NCAM1: variants seen among roughly 807,000 people sequenced by gnomAD.
NCAM1 encodes the protein antigen recognized by monoclonal antibody 5.1H11.
Under a neutral mutation model 109.8 loss-of-function variants are expected in NCAM1, and 14 were observed. That is an observed-to-expected ratio of 0.13 (90% CI 0.08 to 0.20). The LOEUF (loss-of-function observed/expected upper bound fraction) is 0.20. Ranked by LOEUF, NCAM1 falls within the 10% of genes least tolerant of loss-of-function variation. The pLI, the probability that NCAM1 is intolerant of heterozygous loss-of-function variation, is 1.00. For missense variants in NCAM1, 774 were observed against 1,109.9 expected, an observed-to-expected ratio of 0.70 and a Z score of 4.30; for synonymous variants, 418 against 442.9, an observed-to-expected ratio of 0.94 and a Z score of 0.70.
At chr11:113,080,627 T>TGATATAATTTCTAAAGCTCTG (rs1555087002) in intron 1 of NCAM1, among the ~76,000 whole-genome samples, 1 of 152,202 alleles carries the variant, frequency 6.6e-6, no homozygotes, top group Non-Finnish European at 1.5e-5. Flanking sequence ...AGACTATAAC[T>TGATATAATTTCTAAAGCTCTG]GATATAATTT....
intron 17 of NCAM1, chr11:113,264,151 C>G (rs1054340338): frequency 6.2e-5 from 61 of 985,134 alleles, no homozygotes; most frequent in Admixed American, 4.3e-4. Context: ...CTCCCTCCCC[C>G]CATTGTGGTC....
chr11:112,973,408 C>T (rs1359206589), intron 1 of NCAM1, among the ~76,000 whole-genome samples: 15 of 152,070 alleles, frequency 9.9e-5, no homozygotes, highest in Admixed American at 7.9e-4. Flanking sequence ...GATGGAAATC[C>T]AATGAAAGCT....
At chr11:113,048,010 T>A (rs1448982868) in intron 1 of NCAM1, among the ~76,000 whole-genome samples, 3 of 152,094 alleles carry the variant, frequency 2.0e-5, no homozygotes, top group African/African-American at 7.2e-5. Flanking sequence ...CTTCCAAGGC[T>A]CCAGCTTGCT....
At chr11:113,067,509 T>G (rs1938023873) in intron 1 of NCAM1, among the ~76,000 whole-genome samples, 1 of 152,250 alleles carries the variant, frequency 6.6e-6, no homozygotes, top group Non-Finnish European at 1.5e-5. Context: ...GGCTCAAATT[T>G]GAAACATTAG....
At chr11:113,044,339 A>C (rs1953186372) in intron 1 of NCAM1, among the ~76,000 whole-genome samples, 1 of 151,396 alleles carries the variant, frequency 6.6e-6, no homozygotes. Context: ...CACTTTGCTA[A>C]TTCCTTCTGT....
At chr11:113,091,490 G>T (rs933634385) in intron 1 of NCAM1, among the ~76,000 whole-genome samples, 1 of 152,186 alleles carries the variant, frequency 6.6e-6, no homozygotes, top group Non-Finnish European at 1.5e-5. Context: ...AATTAGACAT[G>T]CATGAGAGGG....
chr11:113,115,664 A>G (rs1940665917), intron 1 of NCAM1, among the ~76,000 whole-genome samples: 1 of 152,254 alleles, frequency 6.6e-6, no homozygotes, highest in Admixed American at 6.5e-5. Context: ...CACAACAATG[A>G]GATACCTGTT....
chr11:112,968,815 A>T (rs538115035), intron 1 of NCAM1, among the ~76,000 whole-genome samples: 79 of 152,206 alleles, frequency 5.2e-4, no homozygotes, highest in Non-Finnish European at 8.4e-4. Context: ...TTCTCATTTT[A>T]GGGCATGGTT....
In NCAM1 at chr11:113,278,043, A is replaced by G. The variant is rs975342022; in HGVS notation, c.*2656A>G. 6.6e-6 allele frequency: 1 copy of G among 152,122 alleles called. No individual in the cohort carries two copies. The highest frequency in any genetic ancestry group is 2.4e-5 in the African/African-American group (1 of 41,374). 9.4% of individuals were successfully genotyped at this position (152,122 alleles called of 1,614,324 possible). A position where few individuals can be genotyped will look rare whatever the true frequency, so the allele number is the denominator to read the frequency against. On this transcript the variant is annotated 3_prime_UTR_variant, in exon 20 of 20. Transcript: ENST00000316851. ...ATGTGTGTATGTGCCATACATATGT[A>G]TTCACATGAAGACCGGCATGGCCAA...
intron 1 of NCAM1, among the ~76,000 whole-genome samples, chr11:113,023,706 A>C (rs1461935039): frequency 6.6e-6 from 1 of 152,222 alleles, no homozygotes; most frequent in African/African-American, 2.4e-5. Context: ...ATTCAAGATC[A>C]AGTTATGAAT....
At chr11:113,244,680 TGTGTGTGG>T (rs1415159511) in intron 14 of NCAM1, among the ~76,000 whole-genome samples, 6 of 148,076 alleles carry the variant, frequency 4.1e-5, no homozygotes, top group Non-Finnish European at 7.5e-5. Flanking sequence ...TGTGTGTGTG[TGTGTGTGG>T]ACCCATTTAT....
chr11:113,043,173 G>T (rs909464950), intron 1 of NCAM1, among the ~76,000 whole-genome samples: 1 of 151,942 alleles, frequency 6.6e-6, no homozygotes, highest in Non-Finnish European at 1.5e-5. Flanking sequence ...AGATCAGGGA[G>T]GGGGGCTGTA....
At chr11:113,266,563 G>C (rs1052460894) in intron 17 of NCAM1, among the ~76,000 whole-genome samples, 1 of 152,086 alleles carries the variant, frequency 6.6e-6, no homozygotes, top group African/African-American at 2.4e-5. Context: ...ACCTAGGAGC[G>C]TGGTCCTCAT....
At chr11:113,207,458 CGTGGAATGGAT>C (rs1196596339) in intron 6 of NCAM1, 80 bp downstream of exon 6, 2 of 1,142,962 alleles carry the variant, frequency 1.7e-6, no homozygotes, top group Non-Finnish European at 2.6e-6. Context: ...TTAGTGTCTG[CGTGGAATGGAT>C]GTGGGCTTCT....
intron 1 of NCAM1, among the ~76,000 whole-genome samples, chr11:113,039,863 A>G (rs1344122697): frequency 2.0e-5 from 3 of 152,260 alleles, no homozygotes; most frequent in African/African-American, 7.2e-5. Flanking sequence ...ATAATTGGCC[A>G]GGCACGGTGG....
chr11:113,053,248 T>A (rs1267878269), intron 1 of NCAM1, among the ~76,000 whole-genome samples: 1 of 152,244 alleles, frequency 6.6e-6, no homozygotes, highest in Non-Finnish European at 1.5e-5. Context: ...CATTCCTTTT[T>A]TATGGCTGCA....
chr11:113,065,591 G>C lies in NCAM1; in HGVS notation c.52+103927G>C, dbSNP rs150250843. Among the ~76,000 whole-genome samples, 426 of 152,298 alleles carry C rather than the reference G, an allele frequency of 2.8e-3. 1 individual carries two copies. Among genetic ancestry groups the C allele is most frequent in the African/African-American group, 9.8e-3 (407 of 41,554 alleles). The stretch of plus-strand genomic sequence containing the variant: ...TCTTCCTACCCATGCCATAATCCCA[G>C]TCTAATTGTGAGAAAGACACCAGAC... On this transcript the variant is annotated intron_variant, in intron 1 of 19. Transcript: ENST00000316851.
In NCAM1 at chr11:113,274,725, C is replaced by T. The variant is rs1273696065; in HGVS notation, c.2457-542C>T. On this transcript the variant is annotated intron_variant, in intron 19 of 19. Transcript: ENST00000316851. This position sits in a 1 kb window ranked among gnomAD's most constrained non-coding sequence, Gnocchi z 4.1. Reference sequence around the variant, plus strand: ...TCCATCAGTGTTTTCTCACCCTACCCAGGCAGGCCCTAGAGGCATCATCCT... The same window carrying T: ...TCCATCAGTGTTTTCTCACCCTACCTAGGCAGGCCCTAGAGGCATCATCCT... Among the ~76,000 whole-genome samples, 1 of 152,218 alleles carries T rather than the reference C, an allele frequency of 6.6e-6. No homozygotes were observed. The highest frequency in any genetic ancestry group is 1.5e-5 in the Non-Finnish European group (1 of 68,038).
intron 1 of NCAM1, among the ~76,000 whole-genome samples, chr11:113,031,255 A>G (rs1469870145): frequency 1.3e-5 from 2 of 152,222 alleles, no homozygotes; most frequent in African/African-American, 2.4e-5. Context: ...AGCTTAGCTA[A>G]CACTTATATT....
Sources: allele counts gnomAD v4.1 joint callset (sites outside exome capture counted in the v4.1 genomes callset), GRCh38; gene constraint gnomAD v4.1.1; non-coding constraint Gnocchi (gnomAD v3.1); transcripts MANE v1.5; gene names NCBI Gene and HGNC (gene_info 2026-07-23, HGNC 2026-07-21).